Variants in GFOD2 observed in about 807,000 individuals in gnomAD.
The protein encoded by GFOD2 is Gfo/Idh/MocA-like oxidoreductase domain containing 2, also known as glucose-fructose oxidoreductase domain-containing protein 2.
GFOD2 carries 9 observed loss-of-function variants against 24.6 expected under a neutral mutation model. That is an observed-to-expected ratio of 0.37 (90% CI 0.22 to 0.64). GFOD2 has a LOEUF of 0.64. Ranked by LOEUF, GFOD2 falls within the 30% of genes least tolerant of loss-of-function variation. The pLI is 0.65. For missense variants in GFOD2, 476 were observed against 532.5 expected, an observed-to-expected ratio of 0.89 and a Z score of 1.04; for synonymous variants, 211 against 224.8, an observed-to-expected ratio of 0.94 and a Z score of 0.55.
intron 1 of GFOD2, among the ~76,000 whole-genome samples, chr16:67,688,342 T>C (rs1567656376): frequency 6.6e-6 from 1 of 152,208 alleles, no homozygotes; most frequent in Non-Finnish European, 1.5e-5. Flanking sequence ...CTGAGGTTGA[T>C]GGGATTATGA....
intron 1 of GFOD2, among the ~76,000 whole-genome samples, chr16:67,703,087 G>A (rs2053415224): frequency 6.6e-6 from 1 of 152,208 alleles, no homozygotes; most frequent in East Asian, 1.9e-4. Flanking sequence ...ATAACGTTGG[G>A]GTTTTAAAGT....
intron 1 of GFOD2, among the ~76,000 whole-genome samples, chr16:67,688,365 G>A (rs1347842026): frequency 6.6e-6 from 1 of 152,060 alleles, no homozygotes; most frequent in African/African-American, 2.4e-5. Context: ...GATTTTTATT[G>A]TTTCTTTTCA....
intron 1 of GFOD2, among the ~76,000 whole-genome samples, chr16:67,715,477 G>C (rs2053500198): frequency 2.0e-5 from 3 of 152,140 alleles, no homozygotes; most frequent in Admixed American, 1.3e-4. Context: ...TTTATAAGGA[G>C]GTGTTAGAGT....
chr16:67,715,261 T>C (rs552556177), intron 1 of GFOD2, among the ~76,000 whole-genome samples: 1 of 152,322 alleles, frequency 6.6e-6, no homozygotes, highest in East Asian at 1.9e-4. Flanking sequence ...GGTTTCACTA[T>C]GTCGGCCAGG....
chr16:67,714,005 G>A (rs2053492426), intron 1 of GFOD2, among the ~76,000 whole-genome samples: 1 of 151,954 alleles, frequency 6.6e-6, no homozygotes. Flanking sequence ...TTACTTTGCG[G>A]CAAAATCTGC....
chr16:67,675,411 A>G lies in GFOD2; in HGVS notation c.902T>C (p.Leu301Pro), dbSNP rs763911166. Residue 301 changes from leucine (L) to proline (P), a missense_variant, in exon 3 of 3, where the codon CTG becomes CCG. Physicochemically the swap from Leu to Pro is moderately conservative, Grantham distance 98 (BLOSUM62 -3). Coordinates refer to ENST00000268797, the MANE Select transcript of GFOD2 (RefSeq NM_030819.4). The stretch of plus-strand genomic sequence containing the variant: ...GTAGACCATGCCCTTCAGGTACAGC[A>G]GCGGGACATCCTGGGGCCCCTGCTC... ...LPEQGPQDVP[L>P]LYLKGMVYMV... The G allele has an allele frequency of 6.2e-7, 1 of 1,613,206 alleles. No individual in the cohort carries two copies. The highest frequency in any genetic ancestry group is 1.7e-5 in the Admixed American group (1 of 60,028).
intron 1 of GFOD2, among the ~76,000 whole-genome samples, chr16:67,699,265 C>A (rs997770074): frequency 1.3e-5 from 2 of 151,948 alleles, no homozygotes; most frequent in Non-Finnish European, 2.9e-5. Flanking sequence ...TCGCTGGAAC[C>A]AAAGAGGCAG....
At chr16:67,683,515 C>A in intron 2 of GFOD2, 2 of 1,231,766 alleles carry the variant, frequency 1.6e-6, no homozygotes, top group Non-Finnish European at 2.0e-6. Context: ...GAGCCACCAT[C>A]TGACCTCCCA....
chr16:67,689,236 G>A (rs1186461087), intron 1 of GFOD2, among the ~76,000 whole-genome samples: 5 of 148,242 alleles, frequency 3.4e-5, no homozygotes, highest in Admixed American at 6.7e-5. Context: ...ATGAGGTTTC[G>A]CCATGTTGAC....
At chr16:67,702,646 C>T (rs1472774605) in intron 1 of GFOD2, among the ~76,000 whole-genome samples, 3 of 128,178 alleles carry the variant, frequency 2.3e-5, no homozygotes, top group Non-Finnish European at 4.7e-5. Flanking sequence ...GTTGCCCAGT[C>T]TGGAGCACAG....
intron 1 of GFOD2, among the ~76,000 whole-genome samples, chr16:67,686,927 G>A (rs1389391957): frequency 6.6e-6 from 1 of 151,080 alleles, no homozygotes; most frequent in Non-Finnish European, 1.5e-5. Context: ...TGGGTGGATC[G>A]CTTGAGGTCA....
chr16:67,708,128 T>G (rs1567661806), intron 1 of GFOD2, among the ~76,000 whole-genome samples: 1 of 152,300 alleles, frequency 6.6e-6, no homozygotes, highest in East Asian at 1.9e-4. Flanking sequence ...ATTGAATATT[T>G]AAGATCTGTG....
At chr16:67,694,114 C>A (rs890209579) in intron 1 of GFOD2, among the ~76,000 whole-genome samples, 1 of 152,140 alleles carries the variant, frequency 6.6e-6, no homozygotes, top group African/African-American at 2.4e-5. Flanking sequence ...CCTGCCTCAG[C>A]CTCCTGACTG....
In GFOD2 at chr16:67,676,301, A is replaced by T. The variant is rs527505542; in HGVS notation, c.260-248T>A. 1.7e-3 allele frequency: 726 copies of T among 417,014 alleles called. 7 individuals carry two copies. The highest frequency in any genetic ancestry group is 0.011 in the African/African-American group (531 of 48,208). The allele number at this position is 417,014 out of a possible 1,614,324, so 25.8% of individuals were successfully genotyped here. ...TACCACCACGCCTGGCTAATTTAAA[A>T]TTTTTTTTTTGTAGAGATGGGGTCC... On this transcript the variant is annotated intron_variant, in intron 2 of 2. Transcript: ENST00000268797.
chr16:67,678,251 TG>T (rs1429331829), intron 2 of GFOD2, among the ~76,000 whole-genome samples: 2 of 151,444 alleles, frequency 1.3e-5, no homozygotes, highest in Non-Finnish European at 2.9e-5. Flanking sequence ...CCAAGGTGGG[TG>T]GATCACCTGA....
chr16:67,694,287 G>A (rs2053340884), intron 1 of GFOD2, among the ~76,000 whole-genome samples: 1 of 152,130 alleles, frequency 6.6e-6, no homozygotes, highest in South Asian at 2.1e-4. Context: ...ATGAGCCACT[G>A]AGCCTGGCCT....
intron 1 of GFOD2, among the ~76,000 whole-genome samples, chr16:67,704,453 T>C (rs1413794616): frequency 2.6e-5 from 4 of 152,204 alleles, no homozygotes; most frequent in African/African-American, 7.2e-5. Flanking sequence ...GAGGCTGCCA[T>C]CGTTTTTTGG....
At chr16:67,681,011 G>C (rs1249170413) in intron 2 of GFOD2, 1 of 985,374 alleles carries the variant, frequency 1.0e-6, no homozygotes, top group Non-Finnish European at 1.2e-6. Context: ...AGGGAGAGTA[G>C]CCCCTGACTG....
At chr16:67,715,932 C>T (rs1042535570) in intron 1 of GFOD2, among the ~76,000 whole-genome samples, 5 of 152,144 alleles carry the variant, frequency 3.3e-5, no homozygotes, top group African/African-American at 9.7e-5. Flanking sequence ...CACTTGAGCC[C>T]AGGAGTCAGA....
Sources: allele counts gnomAD v4.1 joint callset (sites outside exome capture counted in the v4.1 genomes callset), GRCh38; gene constraint gnomAD v4.1.1; transcripts MANE v1.5; gene names NCBI Gene and HGNC (gene_info 2026-07-23, HGNC 2026-07-21).